The following ACP7 variants were observed in gnomAD, a reference collection of about 807,000 sequenced individuals.
ACP7 encodes acid phosphatase 7, tartrate resistant (putative), also known as acid phosphatase type 7.
Under a neutral mutation model 60.6 loss-of-function variants are expected in ACP7, and 58 were observed. The observed-to-expected ratio is 0.96, with a 90% CI of 0.77 to 1.19. The LOEUF (loss-of-function observed/expected upper bound fraction) is 1.19, where lower values mean the gene tolerates loss of function less well. Ranked by LOEUF, ACP7 falls within the 50% of genes most tolerant of loss-of-function variation. The probability of loss-of-function intolerance (pLI) is 0.00; values close to 1 mark genes in which losing one functional copy is unlikely to be tolerated. For missense variants in ACP7, 574 were observed against 596.2 expected (o/e 0.96, Z 0.39); for synonymous variants, 237 against 232.6 (o/e 1.02, Z -0.17).
Position 39,099,078 on chromosome 19 carries a change from G to A in ACP7, c.441G>A (p.Pro147=). The change falls in exon 4 of 13, where the codon CCG becomes CCA. Residue 147 remains proline, a synonymous_variant. Coordinates refer to ENST00000331256, the MANE Select transcript of ACP7 (RefSeq NM_001004318.3). ...AVFGDLGADN[P]KAVPRLRRDT... ...TTGGAGACCTGGGGGCTGACAACCC[G>A]AAGGCCGTCCCCCGGCTGCGCAGGG... 11 of 1,606,408 alleles carry A rather than the reference G, an allele frequency of 6.8e-6. No homozygotes were observed. Among genetic ancestry groups the A allele is most frequent in the African/African-American group, 1.3e-5 (1 of 74,520 alleles).
At chr19:39,087,648 T>G (rs4803199) in intron 2 of ACP7, among the ~76,000 whole-genome samples, 49,495 of 150,614 alleles carry the variant, frequency 0.33, 9,102 homozygotes, top group East Asian at 0.58. Context: ...TTTTTTTTTT[T>G]TTTGAGATGG....
In ACP7 at chr19:39,107,891, A is replaced by T. The variant is rs571166314; in HGVS notation, c.1251+807A>T. Among the ~76,000 whole-genome samples, 392 of 151,858 alleles carry T rather than the reference A, an allele frequency of 2.6e-3. 2 individuals are homozygous for T. The highest frequency in any genetic ancestry group is 9.0e-3 in the African/African-American group (373 of 41,430). ...ACAGAGTGAGACTCTGTCTTGGAAAAAAAAGGAAAATTAGTCAAGTGTGGT... is the reference window on the plus strand; with the variant it reads ...ACAGAGTGAGACTCTGTCTTGGAAATAAAAGGAAAATTAGTCAAGTGTGGT... On this transcript the variant is annotated intron_variant, in intron 12 of 12. Coordinates refer to ENST00000331256, the MANE Select transcript of ACP7 (RefSeq NM_001004318.3).
At chr19:39,091,586 C>A (rs190506136) in intron 2 of ACP7, among the ~76,000 whole-genome samples, 1 of 152,306 alleles carries the variant, frequency 6.6e-6, no homozygotes, top group Non-Finnish European at 1.5e-5. Flanking sequence ...CATGCATGTA[C>A]ACGAAGCTGC....
intron 2 of ACP7, among the ~76,000 whole-genome samples, chr19:39,095,150 A>C (rs751778691): frequency 6.6e-6 from 1 of 152,114 alleles, no homozygotes; most frequent in Non-Finnish European, 1.5e-5. Flanking sequence ...AAAACCAATC[A>C]TGCCTTCCCA....
chr19:39,099,003 C>A lies in ACP7; in HGVS notation c.366C>A (p.Arg122=), dbSNP rs367630066. 2.5e-6 allele frequency: 4 copies of A among 1,613,608 alleles called. No homozygotes were observed. Among genetic ancestry groups the A allele is most frequent in the African/African-American group, 1.3e-5 (1 of 74,918 alleles). ...GSAQGWSRRF[R]FRALKNGAHW... Reference sequence around the variant, plus strand: ...CGCAGGGCTGGAGCCGTCGGTTCCGCTTCAGGGCCCTCAAGAATGGGGCCC... The same window carrying A: ...CGCAGGGCTGGAGCCGTCGGTTCCGATTCAGGGCCCTCAAGAATGGGGCCC... Residue 122 remains arginine (R), a synonymous_variant, in exon 4 of 13, where the codon CGC becomes CGA. Coordinates refer to ENST00000331256, the MANE Select transcript of ACP7 (RefSeq NM_001004318.3).
In ACP7 at chr19:39,099,152, CCGCAGGGGCGCG is replaced by C; in HGVS notation, c.505+18_505+29del. 2 of 1,503,504 alleles carry C rather than the reference CCGCAGGGGCGCG, an allele frequency of 1.3e-6. No individual in the cohort carries two copies. The highest frequency in any genetic ancestry group is 1.8e-6 in the Non-Finnish European group (2 of 1,135,380). The allele number at this position is 1,503,504 out of a possible 1,614,324, so 93.1% of individuals were successfully genotyped here. ...GCCGTTCTCCATGTGGGTGAGGCAT[CCGCAGGGGCGCG>C]CGCAGGGACGGTGGGGGGCGCGCGC... On this transcript the variant is annotated intron_variant, in intron 4 of 12. Coordinates refer to ENST00000331256, the MANE Select transcript of ACP7 (RefSeq NM_001004318.3).
intron 12 of ACP7, among the ~76,000 whole-genome samples, chr19:39,108,138 A>G (rs1369773464): frequency 8.6e-6 from 1 of 116,258 alleles, no homozygotes; most frequent in East Asian, 2.3e-4. Flanking sequence ...TCACTCATCT[A>G]ATTTTTTTTT....
At chr19:39,107,578 C>CAAAAAAAAA (rs34130688) in intron 12 of ACP7, among the ~76,000 whole-genome samples, 44 of 81,196 alleles carry the variant, frequency 5.4e-4, no homozygotes, top group East Asian at 1.1e-3. Context: ...GACTCTGTCT[C>CAAAAAAAAA]AAAAAAAAAA....
At chr19:39,091,771 C>T (rs182388687) in intron 2 of ACP7, among the ~76,000 whole-genome samples, 218 of 151,674 alleles carry the variant, frequency 1.4e-3, no homozygotes, top group Middle Eastern at 0.01. Context: ...ATTAGCCAGG[C>T]GTGGTGGTGT....
intron 4 of ACP7, 101 bp from the exon 5 acceptor site, chr19:39,100,126 G>C: frequency 6.7e-7 from 1 of 1,496,374 alleles, no homozygotes; most frequent in Non-Finnish European, 9.0e-7. Context: ...CTCCCGAAGC[G>C]CTGGGATTAA....
intron 12 of ACP7, among the ~76,000 whole-genome samples, chr19:39,109,685 TAAAAAAAAAAAA>T (rs34682645): frequency 1.5e-5 from 1 of 65,502 alleles, no homozygotes; most frequent in African/African-American, 7.3e-5. Flanking sequence ...AGACTCTGTC[TAAAAAAAAAAAA>T]AAAAAAAAAA....
At chr19:39,084,920 G>A (rs889950743) in intron 1 of ACP7, among the ~76,000 whole-genome samples, 172 bp from the exon 2 acceptor site, 3 of 152,198 alleles carry the variant, frequency 2.0e-5, no homozygotes, top group South Asian at 2.1e-4. Flanking sequence ...TCAGCTGCTC[G>A]GTTTCCTCAT....
intron 11 of ACP7, among the ~76,000 whole-genome samples, chr19:39,105,527 G>T (rs996843009): frequency 6.6e-6 from 1 of 152,074 alleles, no homozygotes; most frequent in African/African-American, 2.4e-5. Flanking sequence ...GGAGGCGCAT[G>T]GTGTCTTTTT....
chr19:39,089,315 G>C (rs1281385456), intron 2 of ACP7, among the ~76,000 whole-genome samples: 1 of 151,676 alleles, frequency 6.6e-6, no homozygotes, highest in Non-Finnish European at 1.5e-5. Context: ...TGATCCACCC[G>C]CCTCGGCCTC....
intron 12 of ACP7, among the ~76,000 whole-genome samples, chr19:39,109,222 C>T (rs1314543905): frequency 6.6e-6 from 1 of 152,110 alleles, no homozygotes; most frequent in Non-Finnish European, 1.5e-5. Context: ...GTAATTTTCC[C>T]AGGGTCACAC....
intron 12 of ACP7, among the ~76,000 whole-genome samples, chr19:39,109,705 A>AAT (rs1426184037): frequency 6.6e-6 from 1 of 151,366 alleles, no homozygotes; most frequent in Non-Finnish European, 1.5e-5. Context: ...AAAAAAAAAA[A>AAT]AAAAGGAGAG....
rs1259269527 is a variant in ACP7 at position 39,101,278 on chromosome 19, T to C, written c.974-10T>C. The C allele has an allele frequency of 6.2e-7, 1 of 1,614,074 alleles. No individual in the cohort carries two copies. The highest frequency in any genetic ancestry group is 1.3e-5 in the African/African-American group (1 of 74,924). On this transcript the variant is annotated splice_polypyrimidine_tract_variant and intron_variant, in intron 9 of 12. Transcript: ENST00000331256. ...ATTCAGAGGTCTGATCCCCGCTTGCTCTATCTCAGGAGTGGATCTGCAGCT... is the reference window on the plus strand; with the variant it reads ...ATTCAGAGGTCTGATCCCCGCTTGCCCTATCTCAGGAGTGGATCTGCAGCT...
intron 11 of ACP7, among the ~76,000 whole-genome samples, chr19:39,102,753 TTCTTTCTTTCTTTCTCTC>T (rs1445509247): frequency 1.2e-5 from 1 of 86,792 alleles, no homozygotes; most frequent in Non-Finnish European, 2.5e-5. Context: ...CTTTCTTTCT[TTCTTTCTTTCTTTCTCTC>T]TCTCTCTCTT....
intron 2 of ACP7, among the ~76,000 whole-genome samples, chr19:39,098,053 C>G (rs1213548450): frequency 6.6e-6 from 1 of 151,840 alleles, no homozygotes; most frequent in Admixed American, 6.6e-5. Flanking sequence ...TAGTTCAAGA[C>G]CAGCCTGGCC....
Sources: allele counts gnomAD v4.1 joint callset (sites outside exome capture counted in the v4.1 genomes callset), GRCh38; gene constraint gnomAD v4.1.1; transcripts MANE v1.5; gene names NCBI Gene and HGNC (gene_info 2026-07-23, HGNC 2026-07-21).